SETBP1: variants seen among roughly 807,000 people sequenced by gnomAD.
SETBP1 encodes SET binding protein 1.
Under a neutral mutation model 101.0 loss-of-function variants are expected in SETBP1, and 9 were observed. The ratio of observed to expected loss-of-function variants is 0.09; its 90% CI spans 0.05 to 0.16. The LOEUF is 0.16. SETBP1 is among the 10% of genes least tolerant of loss of function. The pLI, the probability that SETBP1 is intolerant of heterozygous loss-of-function variation, is 1.00. For missense variants in SETBP1, 1,858 were observed against 2,033.8 expected (o/e 0.91, Z 1.66); for synonymous variants, 818 against 788.5 (o/e 1.04, Z -0.63).
intron 3 of SETBP1, chr18:44,871,002 C>T (rs2069260612): frequency 6.6e-6 from 1 of 152,512 alleles, no homozygotes; most frequent in South Asian, 2.1e-4. Flanking sequence ...TCCAGCCTCC[C>T]CCACAACCAG....
chr18:44,904,328 C>G (rs1269700338), intron 3 of SETBP1, among the ~76,000 whole-genome samples: 6 of 152,156 alleles, frequency 3.9e-5, no homozygotes, highest in African/African-American at 1.4e-4. Context: ...ATTTGTTGCT[C>G]TATGCCTGGG....
rs551141333 is a variant in SETBP1 at position 44,797,509 on chromosome 18, A to G, written c.487-71721A>G. Among the ~76,000 whole-genome samples, 7 of 152,228 alleles carry G rather than the reference A, an allele frequency of 4.6e-5. No homozygotes were observed. In the South Asian group the frequency reaches 1.0e-3, roughly 23 times the overall value. The stretch of plus-strand genomic sequence containing the variant: ...CCATGATGAAAAGCACCAAGCCACT[A>G]CCCTGTCCCTACCCCTGGTGTAGCC... On this transcript the variant is annotated intron_variant, in intron 2 of 5. Transcript: ENST00000649279.
chr18:44,951,749 A>C lies in SETBP1; in HGVS notation c.2409A>C (p.Lys803Asn). 6.2e-7 allele frequency: 1 copy of C among 1,614,116 alleles called. No individual in the cohort carries two copies. The highest frequency in any genetic ancestry group is 8.5e-7 in the Non-Finnish European group (1 of 1,180,020). ...CTGAAACCAATTTTTCAGAGTTGAA[A>C]ACTATGCCAAATCTCCAGCCCATCA... ...ASTETNFSEL[K>N]TMPNLQPISA... The change falls in exon 4 of 6, where the codon AAA (lysine) becomes AAC (asparagine). Residue 803 changes from lysine (K) to asparagine (N), a missense_variant. Transcript: ENST00000649279. This position sits in a 1 kb window ranked among gnomAD's most constrained non-coding sequence, Gnocchi z 7.8.
In SETBP1 at chr18:44,875,142, A is replaced by G. The variant is rs1252737079; in HGVS notation, c.540+5859A>G. On this transcript the variant is annotated intron_variant, in intron 3 of 5. Transcript: ENST00000649279. ...GTTGCTTGTTCTTCTAGGGTTGATC[A>G]TGTTTTTCAGAACAAAGTCACCATT... Among the ~76,000 whole-genome samples, 6 of 152,166 alleles carry G rather than the reference A, an allele frequency of 3.9e-5. No individual in the cohort carries two copies. In the East Asian group the frequency reaches 9.6e-4, roughly 24 times the overall value.
chr18:44,910,514 A>G (rs1568212466), intron 3 of SETBP1, among the ~76,000 whole-genome samples: 1 of 152,122 alleles, frequency 6.6e-6, no homozygotes, highest in Non-Finnish European at 1.5e-5. Flanking sequence ...AAACTGCTCC[A>G]TGTTTATCAA....
chr18:44,946,051 T>C (rs1244902539), intron 3 of SETBP1, among the ~76,000 whole-genome samples: 1 of 152,228 alleles, frequency 6.6e-6, no homozygotes, highest in Non-Finnish European at 1.5e-5. Context: ...CGCATTGTAA[T>C]GGGATATAGC....
chr18:44,788,383 G>T (rs2071290369), intron 2 of SETBP1, among the ~76,000 whole-genome samples: 1 of 152,196 alleles, frequency 6.6e-6, no homozygotes, highest in African/African-American at 2.4e-5. Context: ...CCCGACAGCA[G>T]CTGGCTTGTT....
chr18:44,860,345 T>C (rs1381357968), intron 2 of SETBP1, among the ~76,000 whole-genome samples: 4 of 152,214 alleles, frequency 2.6e-5, no homozygotes, highest in African/African-American at 9.6e-5. Context: ...ACCCAGATTG[T>C]GCTCCTGAGA....
intron 4 of SETBP1, among the ~76,000 whole-genome samples, chr18:45,031,427 A>G (rs1055450311): frequency 3.3e-5 from 5 of 151,578 alleles, no homozygotes; most frequent in Non-Finnish European, 5.9e-5. Flanking sequence ...CGTCATTAAC[A>G]GATGAAAAAA....
In SETBP1 at chr18:44,717,579, G is replaced by A. The variant is rs982797351; in HGVS notation, c.486+15747G>A. On this transcript the variant is annotated intron_variant, in intron 2 of 5. Transcript: ENST00000649279. The stretch of plus-strand genomic sequence containing the variant: ...TACTTTGGGGCCATTGCAAGGGATT[G>A]GCCCTTTACCAACAAAAGGGTATAT... 3.3e-5 allele frequency among the ~76,000 whole-genome samples: 5 copies of A among 152,294 alleles called. No individual in the cohort carries two copies. In the East Asian group the frequency reaches 7.7e-4, roughly 24 times the overall value.
At chr18:44,908,834 C>A (rs1568211680) in intron 3 of SETBP1, among the ~76,000 whole-genome samples, 1 of 152,186 alleles carries the variant, frequency 6.6e-6, no homozygotes, top group African/African-American at 2.4e-5. Context: ...TGAAGCCCCC[C>A]AAAATATAAC....
chr18:45,040,367 T>G (rs1048521316), intron 5 of SETBP1, among the ~76,000 whole-genome samples: 2 of 152,154 alleles, frequency 1.3e-5, no homozygotes, highest in Admixed American at 1.3e-4. Flanking sequence ...AGGGATCAAG[T>G]TGGGCAGAGT....
At chr18:44,853,007 GGGCT>G (rs1456025875) in intron 2 of SETBP1, among the ~76,000 whole-genome samples, 1 of 152,198 alleles carries the variant, frequency 6.6e-6, no homozygotes, top group Non-Finnish European at 1.5e-5. Context: ...AGAGTCCTCT[GGGCT>G]GGTGGATGCA....
intron 4 of SETBP1, chr18:44,987,949 G>A (rs1263470193): frequency 6.6e-6 from 1 of 151,910 alleles, no homozygotes; most frequent in African/African-American, 2.4e-5. Flanking sequence ...CCTTTTCCCA[G>A]GCATAGTTTC....
chr18:44,770,303 G>A (rs1343973709), intron 2 of SETBP1, among the ~76,000 whole-genome samples: 1 of 152,214 alleles, frequency 6.6e-6, no homozygotes, highest in Non-Finnish European at 1.5e-5. Context: ...TGGGAGCCTG[G>A]AAGAAAACAG....
At chr18:44,879,532 G>A (rs1599266705) in intron 3 of SETBP1, among the ~76,000 whole-genome samples, 2 of 152,080 alleles carry the variant, frequency 1.3e-5, no homozygotes, top group South Asian at 2.1e-4. Context: ...TTGAAGTCAG[G>A]GTTAGAGCAC....
At chr18:45,048,944 A>G (rs998987886) in intron 5 of SETBP1, among the ~76,000 whole-genome samples, 1 of 126,022 alleles carries the variant, frequency 7.9e-6, no homozygotes, top group Non-Finnish European at 1.6e-5. Flanking sequence ...TGCAGTCCGC[A>G]GTCCGGCCTG....
chr18:44,994,606 T>A (rs1219303775), intron 4 of SETBP1, among the ~76,000 whole-genome samples: 1 of 152,224 alleles, frequency 6.6e-6, no homozygotes, highest in Non-Finnish European at 1.5e-5. Flanking sequence ...AGGGAAAATT[T>A]TTTTTGTGAT....
At chr18:44,906,182 T>A (rs1045613873) in intron 3 of SETBP1, among the ~76,000 whole-genome samples, 1 of 152,214 alleles carries the variant, frequency 6.6e-6, no homozygotes, top group African/African-American at 2.4e-5. Flanking sequence ...CATTTTCAGC[T>A]AAGTCCAGAA....
Sources: gnomAD v4.1 joint callset for allele counts (sites outside exome capture counted in the v4.1 genomes callset) on GRCh38, gnomAD v4.1.1 for gene constraint, Gnocchi (gnomAD v3.1) non-coding constraint, MANE v1.5 for transcripts, NCBI Gene and HGNC (gene_info 2026-07-23, HGNC 2026-07-21) for gene names.